Variants in ECT2 observed in about 807,000 individuals in gnomAD.
ECT2 encodes the protein protein ECT2.
In ECT2, 61 loss-of-function variants were observed where a neutral mutation model predicts 116.9. The ratio of observed to expected loss-of-function variants is 0.52; its 90% CI spans 0.42 to 0.65. The LOEUF is 0.65. ECT2 is among the 30% of genes least tolerant of loss of function. The pLI, the probability that ECT2 is intolerant of heterozygous loss-of-function variation, is 0.00. For missense variants in ECT2, 937 were observed against 1,078.7 expected (o/e 0.87, Z 1.84); for synonymous variants, 358 against 346.4 (o/e 1.03, Z -0.37).
In ECT2 at chr3:172,792,316, G is replaced by A. The variant is rs180878396; in HGVS notation, c.1907+5742G>A. Among the ~76,000 whole-genome samples, 25 of 152,242 alleles carry A rather than the reference G, an allele frequency of 1.6e-4. No individual in the cohort carries two copies. The East Asian group carries it at 3.3e-3, about 20-fold the overall frequency. ...ACTTGACACAGGGTTGCTTACAAAC[G>A]TTCAATCTGTGAAACAACAACAGCA... On this transcript the variant is annotated intron_variant, in intron 18 of 24. Coordinates refer to ENST00000392692, the MANE Select transcript of ECT2 (RefSeq NM_001258315.2).
At chr3:172,790,031 C>T (rs1478996245) in intron 18 of ECT2, among the ~76,000 whole-genome samples, 1 of 151,662 alleles carries the variant, frequency 6.6e-6, no homozygotes, top group Non-Finnish European at 1.5e-5. Flanking sequence ...TTTGTGCCTT[C>T]TTCTTGGCCT....
intron 18 of ECT2, among the ~76,000 whole-genome samples, chr3:172,792,408 A>G (rs185431556): frequency 1.3e-4 from 20 of 151,212 alleles, no homozygotes; most frequent in Admixed American, 2.0e-4. Flanking sequence ...GGATGCCTAT[A>G]TGCACTTTCT....
chr3:172,801,066 C>T (rs560825468), intron 18 of ECT2, among the ~76,000 whole-genome samples: 6 of 152,154 alleles, frequency 3.9e-5, no homozygotes, highest in African/African-American at 9.6e-5. Flanking sequence ...GAATTTATGA[C>T]GTGAATATAA....
chr3:172,781,862 ATAAT>A (rs1362676334), intron 14 of ECT2, among the ~76,000 whole-genome samples: 3 of 152,202 alleles, frequency 2.0e-5, no homozygotes, highest in Non-Finnish European at 2.9e-5. Flanking sequence ...GTAGTTTTCT[ATAAT>A]TAATAACACC....
At chr3:172,783,766 A>G in intron 15 of ECT2, 33 bp from the exon 16 acceptor site, 1 of 1,384,668 alleles carries the variant, frequency 7.2e-7, no homozygotes, top group East Asian at 2.3e-5. Context: ...ACAAATGCAT[A>G]ATAAATAATG....
intron 5 of ECT2, among the ~76,000 whole-genome samples, chr3:172,758,468 T>TGCACAC (rs1717511292): frequency 6.6e-6 from 1 of 150,898 alleles, no homozygotes; most frequent in South Asian, 2.1e-4. Flanking sequence ...TTCTCTTTTA[T>TGCACAC]ACACACACAC....
intron 18 of ECT2, among the ~76,000 whole-genome samples, chr3:172,788,016 G>A (rs568674958): frequency 1.3e-5 from 2 of 152,238 alleles, no homozygotes; most frequent in South Asian, 4.1e-4. Flanking sequence ...TCTATTTTTA[G>A]TATATCCCTA....
intron 24 of ECT2, 68 bp from the exon 25 acceptor site, chr3:172,820,080 C>A: frequency 8.3e-7 from 1 of 1,204,026 alleles, no homozygotes; most frequent in Non-Finnish European, 1.2e-6. Flanking sequence ...AGGCATGATA[C>A]TGAACTGTAT....
Position 172,755,523 on chromosome 3 carries a change from A to G in ECT2, c.251A>G (p.Glu84Gly). Residue 84 changes from glutamate (E) to glycine (G), a missense_variant, in exon 4 of 25, where the codon GAA becomes GGA. Coordinates refer to ENST00000392692, the MANE Select transcript of ECT2 (RefSeq NM_001258315.2). ...IMEVPVIKIK[E>G]SCPGKSDEKL... Reference sequence around the variant, plus strand: ...GAAGTCCCTGTTATAAAGATAAAAGAAAGTTGTCCTGGAAAATCGGATGAA... The same window carrying G: ...GAAGTCCCTGTTATAAAGATAAAAGGAAGTTGTCCTGGAAAATCGGATGAA... The G allele has an allele frequency of 1.3e-6, 2 of 1,507,516 alleles. No homozygotes were observed. The highest frequency in any genetic ancestry group is 1.8e-6 in the Non-Finnish European group (2 of 1,117,524). 93.4% of individuals were successfully genotyped at this position (1,507,516 alleles called of 1,614,324 possible).
chr3:172,827,492 T>C, the ECT2 span, among the ~76,000 whole-genome samples: 1 of 152,222 alleles, frequency 6.6e-6, no homozygotes, highest in African/African-American at 2.4e-5. Flanking sequence ...TGGATGGAAC[T>C]GGAGGACATG....
chr3:172,826,531 C>A, the ECT2 span, among the ~76,000 whole-genome samples: 1 of 152,160 alleles, frequency 6.6e-6, no homozygotes, highest in African/African-American at 2.4e-5. Flanking sequence ...TAGAATATTA[C>A]AGAAACTTAG....
chr3:172,805,998 T>A, intron 21 of ECT2, 129 bp downstream of exon 21: 1 of 968,756 alleles, frequency 1.0e-6, no homozygotes, highest in Non-Finnish European at 1.5e-6. Context: ...ACTGCTAAAG[T>A]AATTGTTCTT....
chr3:172,759,099 AT>A, intron 6 of ECT2, 30 bp downstream of exon 6: 1 of 1,450,772 alleles, frequency 6.9e-7, no homozygotes, highest in Non-Finnish European at 9.4e-7. Flanking sequence ...TTCAAAGCGT[AT>A]TTTTTACAGC....
At chr3:172,791,841 C>T (rs73880283) in intron 18 of ECT2, among the ~76,000 whole-genome samples, 9,343 of 152,234 alleles carry the variant, frequency 0.061, 968 homozygotes, top group African/African-American at 0.21. Flanking sequence ...AGTTTGGCTG[C>T]TTGGTGCAAG....
At chr3:172,821,570 A>G (rs1340440873), downstream of ECT2, 2 of 151,852 alleles carry the variant, frequency 1.3e-5, no homozygotes, top group Non-Finnish European at 3.0e-5. Context: ...TTGCTTGCTT[A>G]CTTGTTTATT....
At chr3:172,776,191 G>GTTTTTTTTTTTTTTTT (rs1294531373) in intron 14 of ECT2, among the ~76,000 whole-genome samples, 1 of 106,978 alleles carries the variant, frequency 9.3e-6, no homozygotes, top group African/African-American at 4.0e-5. Context: ...TAGTTTTTCA[G>GTTTTTTTTTTTTTTTT]TTTTTTCTTT....
At chr3:172,828,819 A>G in the ECT2 span, 1 of 779,910 alleles carries the variant, frequency 1.3e-6, no homozygotes, top group Non-Finnish European at 2.2e-6. Context: ...ATGGCATAGG[A>G]GAAGAGCTAC....
intron 19 of ECT2, 47 bp downstream of exon 19, chr3:172,802,741 A>G: frequency 6.6e-7 from 1 of 1,524,634 alleles, no homozygotes; most frequent in Non-Finnish European, 8.9e-7. Flanking sequence ...CTTCTTGTTA[A>G]TGAGGTTTCT....
intron 14 of ECT2, among the ~76,000 whole-genome samples, chr3:172,774,367 T>G (rs1243583472): frequency 2.6e-5 from 4 of 152,018 alleles, no homozygotes; most frequent in African/African-American, 9.7e-5. Flanking sequence ...CCAGCTAATT[T>G]TTGTATTTTT....
Sources: gnomAD v4.1 joint callset for allele counts (sites outside exome capture counted in the v4.1 genomes callset) on GRCh38, gnomAD v4.1.1 for gene constraint, MANE v1.5 for transcripts, NCBI Gene and HGNC (gene_info 2026-07-23, HGNC 2026-07-21) for gene names.